The following ZC3H6 variants were observed in gnomAD, a reference collection of about 807,000 sequenced individuals.
ZC3H6 encodes zinc finger CCCH-type containing 6, also known as zinc finger CCCH domain-containing protein 6.
Under a neutral mutation model 107.7 loss-of-function variants are expected in ZC3H6, and 40 were observed. That is an observed-to-expected ratio of 0.37 (90% CI 0.29 to 0.48). The LOEUF (loss-of-function observed/expected upper bound fraction) is 0.48, where lower values mean the gene tolerates loss of function less well. ZC3H6 is among the 20% of genes least tolerant of loss of function. ZC3H6 has a pLI of 0.98. For synonymous variants in ZC3H6, 493 were observed against 487.9 expected, an observed-to-expected ratio of 1.01 and a Z score of -0.14; for missense variants, 1,267 against 1,410.4, an observed-to-expected ratio of 0.90 and a Z score of 1.63.
In ZC3H6 at chr2:112,321,161, C is replaced by G. The variant is rs538819133; in HGVS notation, c.977-595C>G. On this transcript the variant is annotated intron_variant, in intron 7 of 11. Coordinates refer to ENST00000409871, the MANE Select transcript of ZC3H6 (RefSeq NM_198581.3). Reference sequence around the variant, plus strand: ...ACTATACTTCTAGATTTAATATTTTCTTTATACGTTTGTCTCCAAAATCCT... The same window carrying G: ...ACTATACTTCTAGATTTAATATTTTGTTTATACGTTTGTCTCCAAAATCCT... Among the ~76,000 whole-genome samples the G allele has an allele frequency of 5.1e-4, 78 of 151,970 alleles. 1 individual carries two copies. The South Asian group carries it at 0.015, about 30-fold the overall frequency.
chr2:112,301,988 GA>G (rs1410712553), intron 2 of ZC3H6, among the ~76,000 whole-genome samples: 2 of 151,742 alleles, frequency 1.3e-5, no homozygotes, highest in Non-Finnish European at 2.9e-5. Flanking sequence ...AGATGAAATG[GA>G]AAATTTTCTA....
chr2:112,284,580 T>G (rs1387347327), intron 1 of ZC3H6, among the ~76,000 whole-genome samples: 1 of 151,428 alleles, frequency 6.6e-6, no homozygotes, highest in Non-Finnish European at 1.5e-5. Context: ...GTTGCTAGAT[T>G]GTTCCTATGA....
At position 112,332,391 on chromosome 2, in the gene ZC3H6, G is replaced by C; in HGVS notation, c.3473G>C (p.Ser1158Thr). ...CAGGCAAGGCAGCCAGGACAGGGGA[G>C]CCCGACCCCAGATAATGATCCCGGT... The part of the protein sequence containing the change: ...PRQARQPGQG[S>T]PTPDNDPGRE... The change falls in exon 12 of 12, where the codon AGC becomes ACC. Residue 1158 changes from serine (S) to threonine (T), a missense_variant. Ser to Thr is a moderately conservative substitution (Grantham distance 58, BLOSUM62 1). This residue lies in a region of ZC3H6 where 925 missense variants were observed against 1,025.7 expected (regional missense o/e 0.90). Coordinates refer to ENST00000409871, the MANE Select transcript of ZC3H6 (RefSeq NM_198581.3). The C allele has an allele frequency of 6.2e-7, 1 of 1,613,716 alleles. No individual in the cohort carries two copies. The highest frequency in any genetic ancestry group is 1.1e-5 in the South Asian group (1 of 91,080).
In ZC3H6 at chr2:112,322,891, A is replaced by C. The variant is rs1200938261; in HGVS notation, c.1329A>C (p.Lys443Asn). The change falls in exon 9 of 12, where the codon AAA (lysine) becomes AAC (asparagine). Residue 443 changes from lysine (K) to asparagine (N), a missense_variant. Around this residue, in one of 3 missense-constraint regions of ZC3H6, gnomAD observed 925 missense variants for 1,025.7 expected, o/e 0.90. Coordinates refer to ENST00000409871, the MANE Select transcript of ZC3H6 (RefSeq NM_198581.3). ...AACCTACTGTGGATTTAGCGCATAA[A>C]ATTGGGAGGAAGTAAGTGAAAAACT... ...VVKPTVDLAH[K>N]IGRKPPAFYT... 5 of 1,577,230 alleles carry C rather than the reference A, an allele frequency of 3.2e-6. No homozygotes were observed. The highest frequency in any genetic ancestry group is 4.3e-6 in the Non-Finnish European group (5 of 1,166,558).
chr2:112,299,045 A>G (rs985888858), intron 1 of ZC3H6, among the ~76,000 whole-genome samples: 1 of 152,112 alleles, frequency 6.6e-6, no homozygotes, highest in Non-Finnish European at 1.5e-5. Flanking sequence ...TGGGAGGCCG[A>G]GGCAGGCAGA....
intron 1 of ZC3H6, among the ~76,000 whole-genome samples, chr2:112,293,009 G>A (rs544788064): frequency 1.4e-3 from 212 of 152,304 alleles, no homozygotes; most frequent in African/African-American, 5.0e-3. Flanking sequence ...TGAGGCAAAT[G>A]TAAGTAAATA....
In ZC3H6 at chr2:112,276,046, T is replaced by C; in HGVS notation, c.32+20T>C. On this transcript the variant is annotated intron_variant, in intron 1 of 11. Coordinates refer to ENST00000409871, the MANE Select transcript of ZC3H6 (RefSeq NM_198581.3). ...CGACAGGTCGGGAACCCTTCTTGTC[T>C]GTCTTTCTGTCGGATGAGAGGAGGG... 2 of 1,538,298 alleles carry C rather than the reference T, an allele frequency of 1.3e-6. No homozygotes were observed. The highest frequency in any genetic ancestry group is 1.8e-6 in the Non-Finnish European group (2 of 1,141,288).
In ZC3H6 at chr2:112,324,454, G is replaced by T; in HGVS notation, c.1643G>T (p.Gly548Val). 1 of 1,613,984 alleles carries T rather than the reference G, an allele frequency of 6.2e-7. No individual in the cohort carries two copies. Among genetic ancestry groups the T allele is most frequent in the African/African-American group, 1.3e-5 (1 of 75,056 alleles). ...PDTSLTPPSMGGAYHSPGFPG... is the reference protein window; with the variant it reads ...PDTSLTPPSMVGAYHSPGFPG... ...ACATCTTTGACACCACCAAGTATGG[G>T]TGGGGCTTACCACTCCCCAGGCTTT... Residue 548 changes from glycine (G) to valine (V), a missense_variant, in exon 10 of 12, where the codon GGT becomes GTT. This residue lies in a region of ZC3H6 where 925 missense variants were observed against 1,025.7 expected (regional missense o/e 0.90). Coordinates refer to ENST00000409871, the MANE Select transcript of ZC3H6 (RefSeq NM_198581.3).
intron 1 of ZC3H6, among the ~76,000 whole-genome samples, chr2:112,288,455 T>C (rs908177832): frequency 6.6e-6 from 1 of 152,218 alleles, no homozygotes; most frequent in East Asian, 1.9e-4. Flanking sequence ...TAATTAACTT[T>C]ATCTCAATCC....
chr2:112,328,560 TAATTCTTCATTTACCTAACATC>T (rs1206581478), intron 11 of ZC3H6, among the ~76,000 whole-genome samples: 2 of 152,234 alleles, frequency 1.3e-5, no homozygotes, highest in African/African-American at 2.4e-5. Flanking sequence ...AAGATATTAT[TAATTCTTCATTTACCTAACATC>T]ACAGGAGAAT....
rs774257755 is a variant in ZC3H6 at position 112,331,519 on chromosome 2, T to C, written c.2601T>C (p.Thr867=). The C allele has an allele frequency of 1.9e-6, 3 of 1,613,880 alleles. No homozygotes were observed. The highest frequency in any genetic ancestry group is 2.5e-6 in the Non-Finnish European group (3 of 1,179,896). ...RQFSHIKMDI[T]LTKPNFAKHI... ...TCAGTCACATTAAAATGGACATTAC[T>C]CTAACCAAACCCAACTTTGCAAAAC... is the stretch of plus-strand genomic sequence containing the variant. The change falls in exon 12 of 12, where the codon ACT becomes ACC. Residue 867 remains threonine (T), a synonymous_variant. Coordinates refer to ENST00000409871, the MANE Select transcript of ZC3H6 (RefSeq NM_198581.3).
intron 11 of ZC3H6, 74 bp downstream of exon 11, chr2:112,325,271 A>AT: frequency 7.1e-7 from 1 of 1,401,630 alleles, no homozygotes; most frequent in Non-Finnish European, 9.9e-7. Context: ...AGGCAGGTGA[A>AT]TCACCTGAGG....
At chr2:112,296,417 A>G (rs996436717) in intron 1 of ZC3H6, among the ~76,000 whole-genome samples, 1 of 152,142 alleles carries the variant, frequency 6.6e-6, no homozygotes, top group Non-Finnish European at 1.5e-5. Flanking sequence ...CATAATTTAT[A>G]TATCTATTTG....
At chr2:112,306,059 A>G (rs1284305411) in intron 3 of ZC3H6, among the ~76,000 whole-genome samples, 1 of 152,172 alleles carries the variant, frequency 6.6e-6, no homozygotes, top group Admixed American at 6.6e-5. Flanking sequence ...TTGGTTCTTT[A>G]AAATCTTCTA....
At chr2:112,308,991 G>A (rs757532800) in intron 3 of ZC3H6, among the ~76,000 whole-genome samples, 2 of 151,890 alleles carry the variant, frequency 1.3e-5, no homozygotes, top group African/African-American at 2.4e-5. Context: ...GGCAGAGGTC[G>A]CAGTGAGCCA....
chr2:112,325,201 T>C lies in ZC3H6; in HGVS notation c.2086+4T>C, dbSNP rs1420487420. On this transcript the variant is annotated splice_donor_region_variant and intron_variant, in intron 11 of 11. Coordinates refer to ENST00000409871, the MANE Select transcript of ZC3H6 (RefSeq NM_198581.3). Reference sequence around the variant, plus strand: ...AGGGCACCAAGCAAGGAAGAAGGTGTGTCAGAAGTTATTAATAGCATCTTA... The same window carrying C: ...AGGGCACCAAGCAAGGAAGAAGGTGCGTCAGAAGTTATTAATAGCATCTTA... The C allele has an allele frequency of 6.2e-7, 1 of 1,613,562 alleles. No individual in the cohort carries two copies. Among genetic ancestry groups the C allele is most frequent in the Admixed American group, 1.7e-5 (1 of 59,992 alleles).
intron 1 of ZC3H6, among the ~76,000 whole-genome samples, chr2:112,296,397 A>G (rs1676233803): frequency 6.6e-6 from 1 of 152,180 alleles, no homozygotes; most frequent in Non-Finnish European, 1.5e-5. Flanking sequence ...ATTCTATGAT[A>G]TAAATAAAGC....
At chr2:112,287,530 C>G (rs566965460) in intron 1 of ZC3H6, among the ~76,000 whole-genome samples, 7 of 152,126 alleles carry the variant, frequency 4.6e-5, no homozygotes, top group Non-Finnish European at 1.0e-4. Context: ...GCACTACTTC[C>G]ATCTTGCATT....
At chr2:112,304,086 G>T (rs1463551774) in intron 3 of ZC3H6, among the ~76,000 whole-genome samples, 1 of 152,152 alleles carries the variant, frequency 6.6e-6, no homozygotes, top group Non-Finnish European at 1.5e-5. Flanking sequence ...CATAATGCCT[G>T]AGGGTTTCAA....
Sources: allele counts gnomAD v4.1 joint callset (sites outside exome capture counted in the v4.1 genomes callset), GRCh38; gene constraint gnomAD v4.1.1; regional missense constraint gnomAD v4.1.1; transcripts MANE v1.5; gene names NCBI Gene and HGNC (gene_info 2026-07-23, HGNC 2026-07-21).